ANKS1B: variants seen among roughly 807,000 people sequenced by gnomAD.
ANKS1B encodes the protein ankyrin repeat and sterile alpha motif domain containing 1B.
Under a neutral mutation model 148.3 loss-of-function variants are expected in ANKS1B, and 36 were observed. The observed-to-expected ratio is 0.24, with a 90% CI of 0.19 to 0.32. The LOEUF (loss-of-function observed/expected upper bound fraction) is 0.32. Ranked by LOEUF, ANKS1B falls within the 10% of genes least tolerant of loss-of-function variation. The probability of loss-of-function intolerance (pLI) is 1.00; values close to 1 mark genes in which losing one functional copy is unlikely to be tolerated. For missense variants in ANKS1B, 1,157 were observed against 1,542.6 expected (o/e 0.75, Z 4.19); for synonymous variants, 542 against 560.8 (o/e 0.97, Z 0.47).
intron 9 of ANKS1B, among the ~76,000 whole-genome samples, chr12:99,567,991 A>G (rs1199564386): frequency 6.6e-6 from 1 of 152,170 alleles, no homozygotes; most frequent in Non-Finnish European, 1.5e-5. Flanking sequence ...AGGACAATTT[A>G]TTATTTCACA....
chr12:99,770,216 G>A (rs188118739), intron 8 of ANKS1B, among the ~76,000 whole-genome samples: 204 of 152,178 alleles, frequency 1.3e-3, no homozygotes, highest in African/African-American at 4.2e-3. Flanking sequence ...GTAGCAAATA[G>A]CAAAAACTGA....
At chr12:99,460,672 A>C (rs1376338828) in intron 10 of ANKS1B, among the ~76,000 whole-genome samples, 1 of 152,160 alleles carries the variant, frequency 6.6e-6, no homozygotes, top group Non-Finnish European at 1.5e-5. Flanking sequence ...ATGATCAGGG[A>C]AATGCAAATC....
At chr12:99,451,805 G>GTGTGTGTGTA (rs2095743326) in intron 10 of ANKS1B, among the ~76,000 whole-genome samples, 1 of 152,000 alleles carries the variant, frequency 6.6e-6, no homozygotes, top group Non-Finnish European at 1.5e-5. Context: ...GTGTGTGTAT[G>GTGTGTGTGTA]TGTATGTCTG....
In ANKS1B at chr12:99,772,958, T is replaced by C. The variant is rs746104656; in HGVS notation, c.1092A>G (p.Ser364=). Residue 364 remains serine (S), a synonymous_variant, in exon 8 of 27, where the codon TCA becomes TCG. Transcript: ENST00000683438. The stretch of plus-strand genomic sequence containing the variant: ...TTCCATTTTTCCCAAGTTCTTCCTC[T>C]GAAATCTTGCTCAAATTATCTAAGT... ...DHYLDNLSKI[S]EEELGKNGSQ... is the part of the protein sequence containing the mutation. The C allele has an allele frequency of 6.2e-7, 1 of 1,611,754 alleles. No homozygotes were observed. Among genetic ancestry groups the C allele is most frequent in the Non-Finnish European group, 8.5e-7 (1 of 1,178,874 alleles).
intron 17 of ANKS1B, among the ~76,000 whole-genome samples, chr12:98,968,176 T>C (rs1267534070): frequency 1.3e-5 from 2 of 151,866 alleles, no homozygotes; most frequent in Non-Finnish European, 2.9e-5. Flanking sequence ...TGATCTTTCA[T>C]AAGAAAAACT....
At chr12:99,900,953 C>G (rs749636178) in intron 1 of ANKS1B, among the ~76,000 whole-genome samples, 2 of 152,140 alleles carry the variant, frequency 1.3e-5, no homozygotes, top group African/African-American at 2.4e-5. Flanking sequence ...TGTAACTATA[C>G]TTTTTGTTTC....
chr12:99,112,274 G>A (rs2060442869), intron 15 of ANKS1B, among the ~76,000 whole-genome samples: 1 of 151,990 alleles, frequency 6.6e-6, no homozygotes, highest in Non-Finnish European at 1.5e-5. Flanking sequence ...TAGATGCATA[G>A]GTTAGACCCT....
intron 14 of ANKS1B, among the ~76,000 whole-genome samples, chr12:99,193,496 T>C (rs562362056): frequency 1.2e-4 from 18 of 152,278 alleles, no homozygotes; most frequent in African/African-American, 2.9e-4. Context: ...AACTTAAGTA[T>C]AAAAATACAA....
intron 9 of ANKS1B, among the ~76,000 whole-genome samples, chr12:99,511,807 T>C (rs1055568917): frequency 6.6e-6 from 1 of 152,086 alleles, no homozygotes; most frequent in African/African-American, 2.4e-5. Context: ...AAACAAGCAA[T>C]GGAGAGAGGA....
At chr12:98,998,562 T>C (rs2153352397) in intron 17 of ANKS1B, among the ~76,000 whole-genome samples, 1 of 152,188 alleles carries the variant, frequency 6.6e-6, no homozygotes, top group East Asian at 1.9e-4. Context: ...GACAAATGAG[T>C]GGTGATAAAA....
chr12:99,936,136 G>A (rs185388736), intron 1 of ANKS1B, among the ~76,000 whole-genome samples: 2 of 152,132 alleles, frequency 1.3e-5, no homozygotes, highest in Middle Eastern at 3.2e-3. Context: ...TGCCCTGGAT[G>A]TATGGGGATT....
At chr12:99,750,535 A>G (rs1421226478) in intron 8 of ANKS1B, among the ~76,000 whole-genome samples, 1 of 152,136 alleles carries the variant, frequency 6.6e-6, no homozygotes, top group African/African-American at 2.4e-5. Flanking sequence ...TAGCTTTTTA[A>G]CAAACCTGTT....
intron 15 of ANKS1B, among the ~76,000 whole-genome samples, chr12:99,122,986 AT>A (rs1240536612): frequency 1.1e-5 from 1 of 94,118 alleles, no homozygotes. Flanking sequence ...AATCAGTAAA[AT>A]TAAAAAAAAA....
chr12:98,917,244 G>A (rs569827170), intron 17 of ANKS1B, among the ~76,000 whole-genome samples: 4 of 152,162 alleles, frequency 2.6e-5, no homozygotes, highest in South Asian at 4.1e-4. Flanking sequence ...TATAGAGAGC[G>A]GTTAAGCAAC....
At chr12:99,253,199 C>A (rs534355275) in intron 12 of ANKS1B, among the ~76,000 whole-genome samples, 205 of 151,314 alleles carry the variant, frequency 1.4e-3, no homozygotes, top group African/African-American at 4.6e-3. Flanking sequence ...TGCACTTAGT[C>A]TGGGCAACAG....
At chr12:98,820,201 CTG>C (rs2099172653) in intron 19 of ANKS1B, among the ~76,000 whole-genome samples, 1 of 152,230 alleles carries the variant, frequency 6.6e-6, no homozygotes, top group African/African-American at 2.4e-5. Flanking sequence ...TTCATCAACA[CTG>C]TGGTTCACAC....
chr12:98,894,985 GGCGGCA>G, intron 17 of ANKS1B: 1 of 784,670 alleles, frequency 1.3e-6, no homozygotes, highest in Non-Finnish European at 1.5e-6. Context: ...CGCCTGCCCT[GGCGGCA>G]GCGGCGGCGG....
At position 98,744,327 on chromosome 12, in the gene ANKS1B, A is replaced by G; in HGVS notation, c.*1412T>C. 1.1e-6 allele frequency: 1 copy of G among 920,958 alleles called. No individual in the cohort carries two copies. The highest frequency in any genetic ancestry group is 1.3e-6 in the Non-Finnish European group (1 of 770,790). 57.0% of individuals were successfully genotyped at this position (920,958 alleles called of 1,614,324 possible). On this transcript the variant is annotated 3_prime_UTR_variant, in exon 27 of 27. Coordinates refer to ENST00000683438, the MANE Select transcript of ANKS1B (RefSeq NM_001352186.2). ...GTTATTCTTCAAAACTCACCAACTG[A>G]TGAATGTAACTGATCATCTCAGTTA...
intron 9 of ANKS1B, among the ~76,000 whole-genome samples, chr12:99,650,565 A>C (rs2098412745): frequency 6.6e-6 from 1 of 152,124 alleles, no homozygotes; most frequent in Admixed American, 6.5e-5. Context: ...TGTCCCATAA[A>C]AGCTCTATTT....
Sources: allele counts gnomAD v4.1 joint callset (sites outside exome capture counted in the v4.1 genomes callset), GRCh38; gene constraint gnomAD v4.1.1; transcripts MANE v1.5; gene names NCBI Gene and HGNC (gene_info 2026-07-23, HGNC 2026-07-21).